The following MAP3K20 variants were observed in gnomAD, a reference collection of about 807,000 sequenced individuals.
MAP3K20 encodes the protein HCCS-4.
MAP3K20 carries 40 observed loss-of-function variants against 85.7 expected under a neutral mutation model. The ratio of observed to expected loss-of-function variants is 0.47; its 90% CI spans 0.36 to 0.61. MAP3K20 has a LOEUF of 0.61. Ranked by LOEUF, MAP3K20 falls within the 20% of genes least tolerant of loss-of-function variation. MAP3K20 has a pLI of 0.00. For missense variants in MAP3K20, 817 were observed against 961.7 expected, an observed-to-expected ratio of 0.85 and a Z score of 1.99; for synonymous variants, 325 against 327.7, an observed-to-expected ratio of 0.99 and a Z score of 0.09.
intron 2 of MAP3K20, among the ~76,000 whole-genome samples, chr2:173,144,350 C>T (rs1362353274): frequency 6.6e-6 from 1 of 150,696 alleles, no homozygotes; most frequent in African/African-American, 2.4e-5. Context: ...GTAGTCCCAG[C>T]TACTTGGGAG....
chr2:173,213,142 T>C lies in MAP3K20; in HGVS notation c.851+3307T>C, dbSNP rs537538282. ...GTAATGGGATTATAGAGAGTGTTTT[T>C]TATTTGTATATCTTTATTCCCTACT... On this transcript the variant is annotated intron_variant, in intron 10 of 19. Coordinates refer to ENST00000375213, the MANE Select transcript of MAP3K20 (RefSeq NM_016653.3). 4.6e-5 allele frequency among the ~76,000 whole-genome samples: 7 copies of C among 152,324 alleles called. No homozygotes were observed. In the South Asian group the frequency reaches 1.4e-3, roughly 32 times the overall value.
At chr2:173,170,739 T>G (rs981722045) in intron 3 of MAP3K20, among the ~76,000 whole-genome samples, 1 of 152,212 alleles carries the variant, frequency 6.6e-6, no homozygotes, top group African/African-American at 2.4e-5. Flanking sequence ...CATCTAATAC[T>G]TAGAGTAATC....
In MAP3K20 at chr2:173,242,939, T is replaced by C. The variant is rs549153340; in HGVS notation, c.1359+3443T>C. ...TCAGGCTGGTCTCGAGCTCCTGACC[T>C]CGTGATCCACCCGGCTCGACCTCCC... On this transcript the variant is annotated intron_variant, in intron 16 of 19. Transcript: ENST00000375213. Among the ~76,000 whole-genome samples, 26 of 152,146 alleles carry C rather than the reference T, an allele frequency of 1.7e-4. No homozygotes were observed. In the South Asian group the frequency reaches 5.2e-3, roughly 30 times the overall value.
At chr2:173,134,495 G>A (rs1178853370) in intron 2 of MAP3K20, among the ~76,000 whole-genome samples, 3 of 127,430 alleles carry the variant, frequency 2.4e-5, no homozygotes, top group African/African-American at 9.2e-5. Flanking sequence ...TTAAACTCCT[G>A]ACCTCAAGTA....
intron 17 of MAP3K20, 78 bp from the exon 18 acceptor site, chr2:173,260,985 C>T: frequency 1.5e-6 from 2 of 1,356,826 alleles, no homozygotes; most frequent in Non-Finnish European, 2.1e-6. Flanking sequence ...GTGTATGGCA[C>T]AACCGGCCTC....
chr2:173,159,225 G>A (rs1490853453), intron 2 of MAP3K20, among the ~76,000 whole-genome samples: 4 of 152,122 alleles, frequency 2.6e-5, no homozygotes, highest in African/African-American at 7.2e-5. Context: ...GATTTTCTTT[G>A]GGGATAATTT....
chr2:173,123,191 A>AT (rs1308846788), intron 2 of MAP3K20, among the ~76,000 whole-genome samples: 1 of 152,198 alleles, frequency 6.6e-6, no homozygotes. Flanking sequence ...CCAACCAAGT[A>AT]AGCTCTCAGA....
intron 9 of MAP3K20, among the ~76,000 whole-genome samples, chr2:173,206,177 A>AT (rs1665417951): frequency 6.6e-6 from 1 of 152,302 alleles, no homozygotes; most frequent in Admixed American, 6.5e-5. Flanking sequence ...TGCAAAGCAA[A>AT]TTTTGAGTTT....
At chr2:173,141,138 C>G (rs17710065) in intron 2 of MAP3K20, among the ~76,000 whole-genome samples, 27,254 of 152,054 alleles carry the variant, frequency 0.18, 2,973 homozygotes, top group Admixed American at 0.35. Flanking sequence ...GTAGAGCTAC[C>G]ACATTCCTTT....
At chr2:173,260,408 T>C (rs368915578) in intron 17 of MAP3K20, among the ~76,000 whole-genome samples, 2 of 152,266 alleles carry the variant, frequency 1.3e-5, no homozygotes, top group African/African-American at 4.8e-5. Flanking sequence ...CACATTTTCT[T>C]TGAACCCAGC....
chr2:173,086,947 A>G (rs1370200914), intron 1 of MAP3K20, among the ~76,000 whole-genome samples: 1 of 152,248 alleles, frequency 6.6e-6, no homozygotes, highest in East Asian at 1.9e-4. Context: ...AGCAGTTTCC[A>G]AATCAGGATT....
At chr2:173,178,248 C>T (rs2106260225) in intron 3 of MAP3K20, among the ~76,000 whole-genome samples, 1 of 152,296 alleles carries the variant, frequency 6.6e-6, no homozygotes, top group South Asian at 2.1e-4. Context: ...AATGTTATGA[C>T]AGTCTTTATG....
At chr2:173,234,475 C>T (rs3769151) in intron 14 of MAP3K20, among the ~76,000 whole-genome samples, 11,258 of 152,212 alleles carry the variant, frequency 0.074, 1,062 homozygotes, top group East Asian at 0.54. Flanking sequence ...CCCTTGGCAA[C>T]TGGGAGGAAA....
chr2:173,075,871 G>A lies in MAP3K20; in HGVS notation c.-166G>A. The stretch of plus-strand genomic sequence containing the variant: ...CTCATTGGCGCCGTGCAGAGAGGCG[G>A]AATGTTCAACTCCTAACTGCAGCGG... On this transcript the variant is annotated 5_prime_UTR_variant, in exon 1 of 20. Transcript: ENST00000375213. 1.0e-6 allele frequency: 1 copy of A among 985,232 alleles called. No individual in the cohort carries two copies. Among genetic ancestry groups the A allele is most frequent in the Non-Finnish European group, 1.2e-6 (1 of 829,882 alleles). 61.0% of individuals were successfully genotyped at this position (985,232 alleles called of 1,614,324 possible).
chr2:173,110,241 ATTTTTTTTTT>A (rs1163430418), intron 2 of MAP3K20, among the ~76,000 whole-genome samples: 1 of 14,230 alleles, frequency 7.0e-5, no homozygotes, highest in Non-Finnish European at 1.2e-4. Context: ...ATATATATAT[ATTTTTTTTTT>A]TTTTTTTTTT....
At chr2:173,117,290 T>G (rs933535235) in intron 2 of MAP3K20, among the ~76,000 whole-genome samples, 1 of 152,170 alleles carries the variant, frequency 6.6e-6, no homozygotes, top group Non-Finnish European at 1.5e-5. Flanking sequence ...TATTTATTAT[T>G]ATTTTTGAGA....
intron 4 of MAP3K20, among the ~76,000 whole-genome samples, chr2:173,183,706 G>A (rs1461974236): frequency 1.3e-5 from 2 of 151,742 alleles, no homozygotes; most frequent in Admixed American, 6.6e-5. Flanking sequence ...AGTTATATTT[G>A]TATTCTAGCA....
intron 16 of MAP3K20, among the ~76,000 whole-genome samples, chr2:173,242,700 T>G (rs1684817344): frequency 1.6e-4 from 2 of 12,316 alleles, no homozygotes; most frequent in Non-Finnish European, 4.7e-4. Context: ...GTAATCTTTC[T>G]TTTTTTTTTT....
At chr2:173,153,293 C>T (rs1351151115) in intron 2 of MAP3K20, among the ~76,000 whole-genome samples, 1 of 152,188 alleles carries the variant, frequency 6.6e-6, no homozygotes, top group Non-Finnish European at 1.5e-5. Context: ...TTGTAACTGA[C>T]TGTCCGTGAC....
Sources: gnomAD v4.1 joint callset for allele counts (sites outside exome capture counted in the v4.1 genomes callset) on GRCh38, gnomAD v4.1.1 for gene constraint, MANE v1.5 for transcripts, NCBI Gene and HGNC (gene_info 2026-07-23, HGNC 2026-07-21) for gene names.